Variants in TAFA2 observed in about 807,000 individuals in gnomAD.
The protein encoded by TAFA2 is chemokine-like protein TAFA-2.
A neutral mutation model predicts 18.8 loss-of-function variants in TAFA2; 7 were observed. That is an observed-to-expected ratio of 0.37 (90% CI 0.21 to 0.70). The LOEUF is 0.70. Ranked by LOEUF, TAFA2 falls within the 30% of genes least tolerant of loss-of-function variation. TAFA2 has a pLI of 0.53. For synonymous variants in TAFA2, 60 were observed against 54.2 expected, an observed-to-expected ratio of 1.11 and a Z score of -0.47; for missense variants, 122 against 158.1, an observed-to-expected ratio of 0.77 and a Z score of 1.23.
chr12:62,240,916 A>G (rs1343982102), intron 1 of TAFA2, among the ~76,000 whole-genome samples: 1 of 152,170 alleles, frequency 6.6e-6, no homozygotes, highest in African/African-American at 2.4e-5. Flanking sequence ...GCCCCTTATG[A>G]GAATCTAATG....
chr12:62,089,852 A>T (rs1184667745), intron 1 of TAFA2, among the ~76,000 whole-genome samples: 3 of 152,092 alleles, frequency 2.0e-5, no homozygotes, highest in African/African-American at 7.2e-5. Flanking sequence ...GCTTATGCAA[A>T]TATCATTCAT....
chr12:62,248,875 ACT>A (rs2136993547), intron 1 of TAFA2, among the ~76,000 whole-genome samples: 1 of 152,200 alleles, frequency 6.6e-6, no homozygotes, highest in African/African-American at 2.4e-5. Flanking sequence ...CAAAACTGAC[ACT>A]CTGTACCCAT....
At chr12:61,929,584 G>A (rs1480920766) in intron 1 of TAFA2, among the ~76,000 whole-genome samples, 1 of 151,900 alleles carries the variant, frequency 6.6e-6, no homozygotes, top group Non-Finnish European at 1.5e-5. Flanking sequence ...AACCATTGTG[G>A]AAGTCGATGT....
At chr12:61,787,478 G>A (rs561985566) in intron 2 of TAFA2, among the ~76,000 whole-genome samples, 1 of 151,714 alleles carries the variant, frequency 6.6e-6, no homozygotes, top group East Asian at 1.9e-4. Flanking sequence ...AAATATCAAA[G>A]TGGTTAAAAA....
intron 1 of TAFA2, among the ~76,000 whole-genome samples, chr12:62,204,363 C>T (rs956640732): frequency 1.3e-5 from 2 of 152,032 alleles, no homozygotes; most frequent in East Asian, 3.9e-4. Flanking sequence ...CTCTGGATTT[C>T]GTGAATTTGA....
chr12:61,711,855 A>G (rs1869425277), intron 4 of TAFA2, among the ~76,000 whole-genome samples: 1 of 151,978 alleles, frequency 6.6e-6, no homozygotes, highest in Non-Finnish European at 1.5e-5. Context: ...AGCCTACTGA[A>G]TCTTTGAGAT....
At chr12:62,156,759 G>A (rs891329548) in intron 1 of TAFA2, among the ~76,000 whole-genome samples, 11 of 152,156 alleles carry the variant, frequency 7.2e-5, no homozygotes, top group East Asian at 5.8e-4. Flanking sequence ...CTATGAAGAC[G>A]GATAAAAGAC....
At chr12:61,803,552 A>G (rs1871482710) in intron 2 of TAFA2, among the ~76,000 whole-genome samples, 1 of 151,970 alleles carries the variant, frequency 6.6e-6, no homozygotes, top group Non-Finnish European at 1.5e-5. Flanking sequence ...ATGGATTAAA[A>G]ATAGTCTAAA....
intron 1 of TAFA2, among the ~76,000 whole-genome samples, chr12:62,018,889 C>T (rs186615140): frequency 6.6e-6 from 1 of 152,114 alleles, no homozygotes; most frequent in Non-Finnish European, 1.5e-5. Context: ...GAACAGGCAA[C>T]CTACAAAATG....
At chr12:62,163,309 GA>G (rs1565766320) in intron 1 of TAFA2, among the ~76,000 whole-genome samples, 1 of 152,118 alleles carries the variant, frequency 6.6e-6, no homozygotes, top group Non-Finnish European at 1.5e-5. Context: ...AACACTGAAA[GA>G]AAACACGAAT....
At chr12:61,824,018 C>T (rs1295814645) in intron 2 of TAFA2, among the ~76,000 whole-genome samples, 1 of 152,108 alleles carries the variant, frequency 6.6e-6, no homozygotes, top group African/African-American at 2.4e-5. Flanking sequence ...GACAGGATGT[C>T]ACTTCACAAT....
chr12:61,797,564 A>T lies in TAFA2; in HGVS notation c.107-42540T>A, dbSNP rs149029142. ...CTGGGCACAAAAGTCTGAAAAAAAA[A>T]ATATAAAACCACAGATGGAGTCCTC... On this transcript the variant is annotated intron_variant, in intron 2 of 4. Transcript: ENST00000416284. Among the ~76,000 whole-genome samples, 1,168 of 152,214 alleles carry T rather than the reference A, an allele frequency of 7.7e-3. 13 individuals carry two copies. The highest frequency in any genetic ancestry group is 0.025 in the African/African-American group (1,041 of 41,502).
intron 1 of TAFA2, among the ~76,000 whole-genome samples, chr12:61,893,069 G>C (rs959010792): frequency 1.3e-5 from 2 of 152,070 alleles, no homozygotes; most frequent in Non-Finnish European, 2.9e-5. Flanking sequence ...TGGAACAGAG[G>C]AAAAAAGAGG....
chr12:61,751,346 C>G (rs1869005087), intron 4 of TAFA2, among the ~76,000 whole-genome samples: 1 of 152,000 alleles, frequency 6.6e-6, no homozygotes, highest in Non-Finnish European at 1.5e-5. Flanking sequence ...CCATAGTGTT[C>G]CTTTGGTTGA....
intron 4 of TAFA2, among the ~76,000 whole-genome samples, chr12:61,737,035 G>A (rs750989645): frequency 4.6e-5 from 7 of 151,834 alleles, no homozygotes; most frequent in East Asian, 1.9e-4. Flanking sequence ...AATATTGTCA[G>A]TTAGTATTGT....
chr12:61,946,125 C>T (rs991531663), intron 1 of TAFA2, among the ~76,000 whole-genome samples: 7 of 148,932 alleles, frequency 4.7e-5, no homozygotes, highest in African/African-American at 1.0e-4. Context: ...ATCAATGGAA[C>T]AGAACAGAGC....
chr12:62,114,722 T>A (rs1283698463), intron 1 of TAFA2, among the ~76,000 whole-genome samples: 1 of 152,156 alleles, frequency 6.6e-6, no homozygotes, highest in Non-Finnish European at 1.5e-5. Flanking sequence ...TTCACAAAGG[T>A]ACTAAACTAT....
At chr12:61,903,732 C>T (rs1876216813) in intron 1 of TAFA2, among the ~76,000 whole-genome samples, 1 of 152,120 alleles carries the variant, frequency 6.6e-6, no homozygotes, top group African/African-American at 2.4e-5. Context: ...AAGAAGTAGT[C>T]ACTTAAAAAT....
chr12:61,940,777 A>T (rs1877969975), intron 1 of TAFA2, among the ~76,000 whole-genome samples: 1 of 152,160 alleles, frequency 6.6e-6, no homozygotes, highest in Non-Finnish European at 1.5e-5. Context: ...GTTGTGTAGA[A>T]TGGAGGAAGA....
Sources: allele counts gnomAD v4.1 joint callset (sites outside exome capture counted in the v4.1 genomes callset), GRCh38; gene constraint gnomAD v4.1.1; transcripts MANE v1.5; gene names NCBI Gene and HGNC (gene_info 2026-07-23, HGNC 2026-07-21).